Variants in MAK16 observed in about 807,000 individuals in gnomAD.
MAK16 encodes the protein MAK16 homolog, also known as protein MAK16 homolog.
A neutral mutation model predicts 49.9 loss-of-function variants in MAK16; 12 were observed. The observed-to-expected ratio is 0.24, with a 90% CI of 0.15 to 0.39. The LOEUF is 0.39. MAK16 is among the 10% of genes least tolerant of loss of function. The pLI, the probability that MAK16 is intolerant of heterozygous loss-of-function variation, is 1.00. For missense variants in MAK16, 292 were observed against 363.7 expected (o/e 0.80, Z 1.60); for synonymous variants, 115 against 126.4 (o/e 0.91, Z 0.60).
At chr8:33,487,773 C>T (rs1808711097) in intron 1 of MAK16, among the ~76,000 whole-genome samples, 2 of 151,846 alleles carry the variant, frequency 1.3e-5, no homozygotes, top group South Asian at 2.1e-4. Context: ...GGGAAAGTTA[C>T]GAAGTATATA....
At chr8:33,497,508 T>TG (rs1175091931) in intron 9 of MAK16, among the ~76,000 whole-genome samples, 2 of 151,792 alleles carry the variant, frequency 1.3e-5, no homozygotes, top group Non-Finnish European at 2.9e-5. Context: ...AAATTTTTTT[T>TG]TTTAGATGAA....
chr8:33,496,746 G>C lies in MAK16; in HGVS notation c.639+5G>C. On this transcript the variant is annotated splice_donor_5th_base_variant and intron_variant, in intron 8 of 9. Transcript: ENST00000360128. ...GATGATGATGATGATGAGGAAGTAAGTCTTGTTTTTGTTTTGCCAAACCTA... is the reference window on the plus strand; with the variant it reads ...GATGATGATGATGATGAGGAAGTAACTCTTGTTTTTGTTTTGCCAAACCTA... 1 of 1,598,156 alleles carries C rather than the reference G, an allele frequency of 6.3e-7. No individual in the cohort carries two copies. Among genetic ancestry groups the C allele is most frequent in the Non-Finnish European group, 8.5e-7 (1 of 1,170,726 alleles).
intron 9 of MAK16, 41 bp downstream of exon 9, chr8:33,497,338 C>CAAAAAAA: frequency 5.6e-6 from 3 of 532,606 alleles, no homozygotes; most frequent in Admixed American, 4.2e-5. Flanking sequence ...TGGCCTGCAG[C>CAAAAAAA]AAAAAAAAAA....
intron 6 of MAK16, among the ~76,000 whole-genome samples, chr8:33,490,800 C>T (rs1309724286): frequency 1.3e-5 from 2 of 152,138 alleles, no homozygotes; most frequent in South Asian, 2.1e-4. Context: ...GTTCAATTAT[C>T]CTTACAGTTA....
In MAK16 at chr8:33,490,342, A is replaced by G; in HGVS notation, c.447+3A>G. ...AGCGTAGGGAGAAAAGAAGAGAGGTAACTTATTGTTGAGATATTCATACCT... is the reference window on the plus strand; with the variant it reads ...AGCGTAGGGAGAAAAGAAGAGAGGTGACTTATTGTTGAGATATTCATACCT... On this transcript the variant is annotated splice_donor_region_variant and intron_variant, in intron 6 of 9. Coordinates refer to ENST00000360128, the MANE Select transcript of MAK16 (RefSeq NM_032509.4). The G allele has an allele frequency of 1.2e-6, 2 of 1,612,076 alleles. No homozygotes were observed. Among genetic ancestry groups the G allele is most frequent in the Non-Finnish European group, 1.7e-6 (2 of 1,178,338 alleles).
chr8:33,500,647 G>T lies in MAK16; in HGVS notation c.*2018G>T. 1 of 796,384 alleles carries T rather than the reference G, an allele frequency of 1.3e-6. No homozygotes were observed. The highest frequency in any genetic ancestry group is 1.9e-6 in the Non-Finnish European group (1 of 520,024). 49.3% of individuals were successfully genotyped at this position (796,384 alleles called of 1,614,324 possible). On this transcript the variant is annotated 3_prime_UTR_variant, in exon 10 of 10. Transcript: ENST00000360128. ...AGACCTAAAAACAGAACCAAAGACA[G>T]CCTCTAGATTTCTTACCCTCAAGTC... is the stretch of plus-strand genomic sequence containing the variant.
In MAK16 at chr8:33,491,627, C is replaced by CTTTT. The variant is rs554026888; in HGVS notation, c.447+1309_447+1312dup. On this transcript the variant is annotated intron_variant, in intron 6 of 9. Transcript: ENST00000360128. Reference sequence around the variant, plus strand: ...TTGCCTCCCCAATCCCTGCCCCCTGCTTTTTTTTTTTTTTTTTTTTTTTTG... The same window carrying CTTTT: ...TTGCCTCCCCAATCCCTGCCCCCTGCTTTTTTTTTTTTTTTTTTTTTTTTTTTTG... Among the ~76,000 whole-genome samples, 329 of 89,900 alleles carry CTTTT rather than the reference C, an allele frequency of 3.7e-3. 3 individuals are homozygous for CTTTT. Among genetic ancestry groups the CTTTT allele is most frequent in the African/African-American group, 5.2e-3 (107 of 20,524 alleles). The allele number at this position is 89,900 out of a possible 152,430, so 59.0% of individuals were successfully genotyped here.
intron 6 of MAK16, among the ~76,000 whole-genome samples, chr8:33,490,861 T>C (rs1585314608): frequency 6.6e-6 from 1 of 152,368 alleles, no homozygotes; most frequent in East Asian, 1.9e-4. Context: ...GTTGTGCTGC[T>C]AGCAAATACT....
Position 33,489,175 on chromosome 8 carries a change from T to C in MAK16, c.392+36T>C. 4 of 1,566,906 alleles carry C rather than the reference T, an allele frequency of 2.6e-6. No individual in the cohort carries two copies. Among genetic ancestry groups the C allele is most frequent in the Non-Finnish European group, 3.5e-6 (4 of 1,149,302 alleles). On this transcript the variant is annotated intron_variant, in intron 5 of 9. Coordinates refer to ENST00000360128, the MANE Select transcript of MAK16 (RefSeq NM_032509.4). The surrounding 1 kb of genome is among the most constrained non-coding windows in gnomAD (Gnocchi z 4.2). ...GGATCATTCATTATTTTTAAATCTCTCTTTTTATGGAGCTTGTTTTGAAGT... is the reference window on the plus strand; with the variant it reads ...GGATCATTCATTATTTTTAAATCTCCCTTTTTATGGAGCTTGTTTTGAAGT...
Position 33,500,608 on chromosome 8 carries a change from A to G in MAK16, c.*1979A>G. 7.9e-7 allele frequency: 1 copy of G among 1,270,264 alleles called. No individual in the cohort carries two copies. 78.7% of individuals were successfully genotyped at this position (1,270,264 alleles called of 1,614,324 possible). A position where few individuals can be genotyped will look rare whatever the true frequency, so the allele number is the denominator to read the frequency against. ...TTCCTAAATTAAGGAACTTAGGTCA[A>G]AGTTAAATGAAAAAGACCTAAAAAC... is the stretch of plus-strand genomic sequence containing the variant. On this transcript the variant is annotated 3_prime_UTR_variant, in exon 10 of 10. Coordinates refer to ENST00000360128, the MANE Select transcript of MAK16 (RefSeq NM_032509.4).
Position 33,489,277 on chromosome 8 carries a change from C to CAAAGCTAAAG in MAK16, c.392+138_392+139insAAAGCTAAAG. 1 of 720,586 alleles carries CAAAGCTAAAG rather than the reference C, an allele frequency of 1.4e-6. No homozygotes were observed. Among genetic ancestry groups the CAAAGCTAAAG allele is most frequent in the Non-Finnish European group, 2.2e-6 (1 of 445,052 alleles). The allele number at this position is 720,586 out of a possible 1,614,324, so 44.6% of individuals were successfully genotyped here. A position where few individuals can be genotyped will look rare whatever the true frequency, so the allele number is the denominator to read the frequency against. ...ATGATGTACTAAAGAGAAACTTTAG[C>CAAAGCTAAAG]TTTGACTAAAGGTGTGCCCTTTGAT... On this transcript the variant is annotated intron_variant, in intron 5 of 9. Transcript: ENST00000360128. This position sits in a 1 kb window ranked among gnomAD's most constrained non-coding sequence, Gnocchi z 4.2.
intron 9 of MAK16, among the ~76,000 whole-genome samples, chr8:33,497,654 G>A (rs962835467): frequency 5.3e-5 from 8 of 151,648 alleles, no homozygotes; most frequent in East Asian, 3.9e-4. Context: ...CACTCCACCC[G>A]GCTAATTTTT....
intron 1 of MAK16, 72 bp from the exon 2 acceptor site, chr8:33,488,306 A>T: frequency 6.9e-7 from 1 of 1,456,610 alleles, no homozygotes; most frequent in Non-Finnish European, 9.6e-7. Flanking sequence ...GTCCTTGGGC[A>T]TTGCCTTCTT....
In MAK16 at chr8:33,500,337, T is replaced by C; in HGVS notation, c.*1708T>C. The C allele has an allele frequency of 6.2e-7, 1 of 1,614,080 alleles. No individual in the cohort carries two copies. Among genetic ancestry groups the C allele is most frequent in the Non-Finnish European group, 8.5e-7 (1 of 1,180,008 alleles). ...TTTCAGTCTGCCTTACCTTTACCCG[T>C]CCTTGAGAACAGCGGTCCAGGAGAA... On this transcript the variant is annotated 3_prime_UTR_variant, in exon 10 of 10. Coordinates refer to ENST00000360128, the MANE Select transcript of MAK16 (RefSeq NM_032509.4).
At chr8:33,495,505 T>G in intron 6 of MAK16, 37 bp from the exon 7 acceptor site, 1 of 1,552,052 alleles carries the variant, frequency 6.4e-7, no homozygotes, top group Non-Finnish European at 8.9e-7. Flanking sequence ...TAATGAGCAC[T>G]GATGAATTAA....
In MAK16 at chr8:33,488,510, C is replaced by G. The variant is rs1283351865; in HGVS notation, c.66-10C>G. ...ATTTTATAATCTTTGTTTCTTTTCT[C>G]CCATTCTAGAACCAAGACTCAGAGC... On this transcript the variant is annotated splice_polypyrimidine_tract_variant and intron_variant, in intron 2 of 9. Transcript: ENST00000360128. The G allele has an allele frequency of 1.9e-6, 3 of 1,613,826 alleles. No individual in the cohort carries two copies. Among genetic ancestry groups the G allele is most frequent in the South Asian group, 1.1e-5 (1 of 91,084 alleles).
In MAK16 at chr8:33,497,489, T is replaced by TA. The variant is rs1205989997; in HGVS notation, c.705+203dup. 1.4e-3 allele frequency among the ~76,000 whole-genome samples: 209 copies of TA among 148,980 alleles called. 1 individual carries two copies. Among genetic ancestry groups the TA allele is most frequent in the African/African-American group, 4.6e-3 (187 of 40,616 alleles). ...GAACATAGTGAGACCTCATCTCTAATAAAAAAAAAAATTTTTTTTTTTAGA... is the reference window on the plus strand; with the variant it reads ...GAACATAGTGAGACCTCATCTCTAATAAAAAAAAAAAATTTTTTTTTTTAGA... On this transcript the variant is annotated intron_variant, in intron 9 of 9. Transcript: ENST00000360128.
intron 6 of MAK16, among the ~76,000 whole-genome samples, chr8:33,492,649 G>T (rs1207424038): frequency 6.6e-6 from 1 of 152,130 alleles, no homozygotes; most frequent in African/African-American, 2.4e-5. Flanking sequence ...TTATTGAAGA[G>T]ACTGTCTTTT....
rs192117659 is a variant in MAK16 at position 33,494,091 on chromosome 8, G to A, written c.448-1451G>A. 3.1e-3 allele frequency among the ~76,000 whole-genome samples: 468 copies of A among 152,208 alleles called. 1 individual carries two copies. The highest frequency in any genetic ancestry group is 5.4e-3 in the Non-Finnish European group (368 of 68,002). On this transcript the variant is annotated intron_variant, in intron 6 of 9. Transcript: ENST00000360128. ...TGAAAAGTGCATGGATCATCTTTAGGTTCTACAGCTTTTGCTCTGTCGCCC... is the reference window on the plus strand; with the variant it reads ...TGAAAAGTGCATGGATCATCTTTAGATTCTACAGCTTTTGCTCTGTCGCCC...
Sources: allele counts gnomAD v4.1 joint callset (sites outside exome capture counted in the v4.1 genomes callset), GRCh38; gene constraint gnomAD v4.1.1; non-coding constraint Gnocchi (gnomAD v3.1); transcripts MANE v1.5; gene names NCBI Gene and HGNC (gene_info 2026-07-23, HGNC 2026-07-21).